The following CHMP2A variants were observed in gnomAD, a reference collection of about 807,000 sequenced individuals.
The protein encoded by CHMP2A is VPS2 homolog A.
A neutral mutation model predicts 21.8 loss-of-function variants in CHMP2A; 6 were observed. The observed-to-expected ratio is 0.28, with a 90% CI of 0.15 to 0.54. CHMP2A has a LOEUF of 0.54. Ranked by LOEUF, CHMP2A falls within the 20% of genes least tolerant of loss-of-function variation. The pLI, the probability that CHMP2A is intolerant of heterozygous loss-of-function variation, is 0.95. For synonymous variants in CHMP2A, 125 were observed against 107.0 expected, an observed-to-expected ratio of 1.17 and a Z score of -1.04; for missense variants, 303 against 293.9, an observed-to-expected ratio of 1.03 and a Z score of -0.23.
intron 2 of CHMP2A, 172 bp downstream of exon 2, chr19:58,553,873 A>C: frequency 1.3e-6 from 1 of 761,068 alleles, no homozygotes; most frequent in African/African-American, 1.7e-5. Context: ...CTTGGATCTC[A>C]TACCAGTTCC....
In CHMP2A at chr19:58,554,142, C is replaced by CG. The variant is rs1242421302; in HGVS notation, c.70dup (p.Arg24ProfsTer25). On this transcript the variant is annotated frameshift_variant, in exon 2 of 6. Transcript: ENST00000312547. LOFTEE classifies it high-confidence loss of function. ...CTCGCGGTCCAGCTCCCGCATGGCACGGTTCAGGGCCCTCTGGTTCTGCCG... is the reference window on the plus strand; with the variant it reads ...CTCGCGGTCCAGCTCCCGCATGGCACGGGTTCAGGGCCCTCTGGTTCTGCCG... 1 of 1,614,142 alleles carries CG rather than the reference C, an allele frequency of 6.2e-7. No individual in the cohort carries two copies. Among genetic ancestry groups the CG allele is most frequent in the Non-Finnish European group, 8.5e-7 (1 of 1,180,028 alleles).
chr19:58,552,620 C>T (rs2053845823), intron 2 of CHMP2A, among the ~76,000 whole-genome samples, 182 bp from the exon 3 acceptor site: 1 of 152,204 alleles, frequency 6.6e-6, no homozygotes, highest in Admixed American at 6.5e-5. Flanking sequence ...CCCTCCTCTG[C>T]CTCTTGGGCC....
intron 2 of CHMP2A, among the ~76,000 whole-genome samples, chr19:58,553,423 T>C (rs1241055964): frequency 6.9e-6 from 1 of 145,226 alleles, no homozygotes; most frequent in Non-Finnish European, 1.5e-5. Context: ...CAGGCTGGAG[T>C]GCAGTGGCAT....
intron 2 of CHMP2A, 76 bp downstream of exon 2, chr19:58,553,969 G>A (rs1274725016): frequency 1.9e-6 from 3 of 1,571,232 alleles, no homozygotes; most frequent in Non-Finnish European, 2.6e-6. Flanking sequence ...CCTGTGTTTG[G>A]TGTCTGGTCT....
At position 58,552,432 on chromosome 19, in the gene CHMP2A, C is replaced by T. The variant is rs760731461; in HGVS notation, c.175G>A (p.Val59Ile). 6.2e-7 allele frequency: 1 copy of T among 1,613,368 alleles called. No homozygotes were observed. Among genetic ancestry groups the T allele is most frequent in the Non-Finnish European group, 8.5e-7 (1 of 1,179,572 alleles). Residue 59 changes from valine (V) to isoleucine (I), a missense_variant, in exon 3 of 6, where the codon GTT (valine) becomes ATT (isoleucine). Transcript: ENST00000312547. Reference sequence around the variant, plus strand: ...ACCAAGTCTTTTGCCATGATGCGAACAGCATCCTGCAGAGTAGACAAGGGT... The same window carrying T: ...ACCAAGTCTTTTGCCATGATGCGAATAGCATCCTGCAGAGTAGACAAGGGT... ...KMAKQGQMDA[V>I]RIMAKDLVRT...
rs1338551455 is a variant in CHMP2A at position 58,554,095 on chromosome 19, C to T, written c.118G>A (p.Glu40Lys). 1.2e-6 allele frequency: 2 copies of T among 1,614,138 alleles called. No homozygotes were observed. Among genetic ancestry groups the T allele is most frequent in the Non-Finnish European group, 1.7e-6 (2 of 1,180,032 alleles). ...DRERQKLETQ[E>K]KKIIADIKKM... The stretch of plus-strand genomic sequence containing the variant: ...TTAATGTCTGCAATGATTTTCTTCT[C>T]CTGGGTCTCTAGTTTCTGTCGCTCG... Residue 40 changes from glutamate to lysine, a missense_variant, in exon 2 of 6, where the codon GAG (glutamate) becomes AAG (lysine). Coordinates refer to ENST00000312547, the MANE Select transcript of CHMP2A (RefSeq NM_014453.4).
rs370679833 is a variant in CHMP2A, at chr19:58,551,972, G to A, written c.480-5C>T. Reference sequence around the variant, plus strand: ...ACCTGGGACACCACAGCATCACTAGGGAAGAGAGAGAACTCAGTGAGGGCT... The same window carrying A: ...ACCTGGGACACCACAGCATCACTAGAGAAGAGAGAGAACTCAGTGAGGGCT... On this transcript the variant is annotated splice_region_variant and splice_polypyrimidine_tract_variant and intron_variant, in intron 4 of 5. Coordinates refer to ENST00000312547, the MANE Select transcript of CHMP2A (RefSeq NM_014453.4). 5 of 1,613,954 alleles carry A rather than the reference G, an allele frequency of 3.1e-6. No homozygotes were observed. In the African/African-American group the frequency reaches 4.0e-5, roughly 13 times the overall value.
rs2053861067 is a variant in CHMP2A, at chr19:58,553,857, T to C, written c.168+188A>G. 4 of 684,802 alleles carry C rather than the reference T, an allele frequency of 5.8e-6. No individual in the cohort carries two copies. The South Asian group carries it at 6.7e-5, about 11-fold the overall frequency. 42.4% of individuals were successfully genotyped at this position (684,802 alleles called of 1,614,324 possible). A position where few individuals can be genotyped will look rare whatever the true frequency, so the allele number is the denominator to read the frequency against. ...AGATCTGTAGGCTCACTCTCATCAC[T>C]CAAGCCTTGGATCTCATACCAGTTC... On this transcript the variant is annotated intron_variant, in intron 2 of 5. Coordinates refer to ENST00000312547, the MANE Select transcript of CHMP2A (RefSeq NM_014453.4).
chr19:58,551,806 G>A (rs773275258), intron 5 of CHMP2A, 30 bp from the exon 6 acceptor site: 1 of 1,614,086 alleles, frequency 6.2e-7, no homozygotes, highest in Non-Finnish European at 8.5e-7. Flanking sequence ...TTGAGCAGGT[G>A]GGGTCAGGCA....
intron 1 of CHMP2A, chr19:58,554,524 TG>T: frequency 2.8e-6 from 1 of 360,498 alleles, no homozygotes; most frequent in Non-Finnish European, 5.1e-6. Context: ...TCCAGAACTA[TG>T]GGTGAGGCCC....
intron 1 of CHMP2A, 181 bp from the exon 2 acceptor site, chr19:58,554,417 G>C: frequency 1.7e-6 from 1 of 572,442 alleles, no homozygotes; most frequent in Non-Finnish European, 3.0e-6. Context: ...CATAAAGGGG[G>C]ACAGGTAGAC....
At chr19:58,554,410 A>G (rs773931978) in intron 1 of CHMP2A, 174 bp from the exon 2 acceptor site, 6 of 590,246 alleles carry the variant, frequency 1.0e-5, no homozygotes, top group Non-Finnish European at 1.5e-5. Context: ...GGGGACACAT[A>G]AAGGGGGACA....
Position 58,551,737 on chromosome 19 carries a change from C to G in CHMP2A, c.581G>C (p.Gly194Ala). Residue 194 changes from glycine (G) to alanine (A), a missense_variant, in exon 6 of 6, where the codon GGT becomes GCT. Transcript: ENST00000312547. ...STGGSLSVAA[G>A]GKKAEAAASA... ...GGCTGCGGCCTCTGCTTTTTTCCCA[C>G]CAGCAGCCACACTAAGCGAGCCCCC... is the stretch of plus-strand genomic sequence containing the variant. 6.2e-7 allele frequency: 1 copy of G among 1,614,136 alleles called. No homozygotes were observed. The highest frequency in any genetic ancestry group is 8.5e-7 in the Non-Finnish European group (1 of 1,180,046).
intron 1 of CHMP2A, 125 bp from the exon 2 acceptor site, chr19:58,554,361 G>A: frequency 1.3e-6 from 1 of 797,416 alleles, no homozygotes; most frequent in East Asian, 2.6e-5. Context: ...CAGGAATGAG[G>A]AGCCAAAAGG....
At position 58,552,036 on chromosome 19, in the gene CHMP2A, C is replaced by G. The variant is rs753026497; in HGVS notation, c.479+19G>C. Reference sequence around the variant, plus strand: ...GGGCCAGGCAAACATCTCCACCCTCCCATCCAGTTTCCCCATACCTCTCCT... The same window carrying G: ...GGGCCAGGCAAACATCTCCACCCTCGCATCCAGTTTCCCCATACCTCTCCT... On this transcript the variant is annotated intron_variant, in intron 4 of 5. Coordinates refer to ENST00000312547, the MANE Select transcript of CHMP2A (RefSeq NM_014453.4). 1 of 1,614,184 alleles carries G rather than the reference C, an allele frequency of 6.2e-7. No individual in the cohort carries two copies. The highest frequency in any genetic ancestry group is 8.5e-7 in the Non-Finnish European group (1 of 1,180,034).
At chr19:58,552,598 C>T (rs957734301) in intron 2 of CHMP2A, among the ~76,000 whole-genome samples, 160 bp from the exon 3 acceptor site, 2 of 152,268 alleles carry the variant, frequency 1.3e-5, no homozygotes, top group South Asian at 4.1e-4. Flanking sequence ...TCCCTCCCTC[C>T]TTCTGACCTA....
At chr19:58,554,562 G>A in intron 1 of CHMP2A, 1 of 267,246 alleles carries the variant, frequency 3.7e-6, no homozygotes, top group South Asian at 5.0e-5. Flanking sequence ...ACTGAGAGCG[G>A]GGGATGACGC....
Position 58,551,696 on chromosome 19 carries a change from C to A in CHMP2A, c.622G>T (p.Ala208Ser), listed in dbSNP as rs2053826512. 2 of 1,614,018 alleles carry A rather than the reference C, an allele frequency of 1.2e-6. No homozygotes were observed. Among genetic ancestry groups the A allele is most frequent in the African/African-American group, 2.7e-5 (2 of 74,924 alleles). The change falls in exon 6 of 6, where the codon GCT (alanine) becomes TCT (serine). Residue 208 changes from alanine (A) to serine (S), a missense_variant. Physicochemically the swap from Ala to Ser is moderately conservative, Grantham distance 99. Transcript: ENST00000312547. ...AEAAASALAD[A>S]DADLEERLKN... Reference sequence around the variant, plus strand: ...AGCCGTTCCTCCAGGTCTGCATCAGCATCAGCTAGGGCTGAGGCTGCGGCC... The same window carrying A: ...AGCCGTTCCTCCAGGTCTGCATCAGAATCAGCTAGGGCTGAGGCTGCGGCC...
chr19:58,554,064 ATCT>A lies in CHMP2A; in HGVS notation c.146_148del (p.Lys49del). 1.2e-6 allele frequency: 2 copies of A among 1,613,992 alleles called. No individual in the cohort carries two copies. Among genetic ancestry groups the A allele is most frequent in the Non-Finnish European group, 1.7e-6 (2 of 1,180,026 alleles). ...ACTCACCATCTGGCCTTGCTTGGCC[ATCT>A]TCTTAATGTCTGCAATGATTTTCTT... On this transcript the variant is annotated inframe_deletion, in exon 2 of 6. Coordinates refer to ENST00000312547, the MANE Select transcript of CHMP2A (RefSeq NM_014453.4).
Sources: gnomAD v4.1 joint callset for allele counts (sites outside exome capture counted in the v4.1 genomes callset) on GRCh38, gnomAD v4.1.1 for gene constraint, MANE v1.5 for transcripts, NCBI Gene and HGNC (gene_info 2026-07-23, HGNC 2026-07-21) for gene names.